Variants in DIAPH3 observed in about 807,000 individuals in gnomAD.
The protein encoded by DIAPH3 is diaphanous related formin 3.
DIAPH3 carries 117 observed loss-of-function variants against 144.3 expected under a neutral mutation model. That is an observed-to-expected ratio of 0.81 (90% CI 0.70 to 0.95). The LOEUF is 0.95. Ranked by LOEUF, DIAPH3 falls within the 40% of genes least tolerant of loss-of-function variation. The pLI is 0.00. For synonymous variants in DIAPH3, 519 were observed against 488.9 expected (o/e 1.06, Z -0.81); for missense variants, 1,421 against 1,412.7 (o/e 1.01, Z -0.09).
chr13:59,877,307 A>T (rs755816566), intron 21 of DIAPH3, among the ~76,000 whole-genome samples: 9 of 151,804 alleles, frequency 5.9e-5, no homozygotes, highest in Non-Finnish European at 1.2e-4. Context: ...CTTCTCTGCC[A>T]CCCCCATACC....
At chr13:60,156,426 C>A (rs1232805443) in intron 1 of DIAPH3, among the ~76,000 whole-genome samples, 2 of 151,982 alleles carry the variant, frequency 1.3e-5, no homozygotes, top group Non-Finnish European at 2.9e-5. Flanking sequence ...TCTTAAATAC[C>A]CTCTTCATAG....
At chr13:60,138,811 AGAGGGAAGAGGG>A (rs1459443304) in intron 1 of DIAPH3, among the ~76,000 whole-genome samples, 1 of 124,510 alleles carries the variant, frequency 8.0e-6, no homozygotes, top group African/African-American at 2.9e-5. Flanking sequence ...GGAAGAGGGA[AGAGGGAAGAGGG>A]GAGGGGAGGG....
At chr13:59,818,092 T>C (rs1048485823) in intron 24 of DIAPH3, among the ~76,000 whole-genome samples, 1 of 151,990 alleles carries the variant, frequency 6.6e-6, no homozygotes, top group African/African-American at 2.4e-5. Context: ...AAACAAAGTT[T>C]TACTGGTACA....
chr13:59,740,743 T>C (rs2139043384), intron 27 of DIAPH3, among the ~76,000 whole-genome samples: 1 of 152,314 alleles, frequency 6.6e-6, no homozygotes, highest in Non-Finnish European at 1.5e-5. Flanking sequence ...ATTTAACAAG[T>C]TAGAATCACT....
At chr13:60,148,413 A>G (rs988674459) in intron 1 of DIAPH3, among the ~76,000 whole-genome samples, 1 of 152,238 alleles carries the variant, frequency 6.6e-6, no homozygotes, top group Admixed American at 6.5e-5. Context: ...CTTTGGTAGC[A>G]GTAGCCACAT....
At chr13:59,810,041 CAT>C (rs1355715551) in intron 25 of DIAPH3, among the ~76,000 whole-genome samples, 5 of 151,996 alleles carry the variant, frequency 3.3e-5, no homozygotes, top group Admixed American at 2.6e-4. Flanking sequence ...TACATATATA[CAT>C]ATGTTTCTGT....
At chr13:60,105,125 A>AAAAAAAC (rs2058383698) in intron 3 of DIAPH3, among the ~76,000 whole-genome samples, 1 of 148,538 alleles carries the variant, frequency 6.7e-6, no homozygotes, top group Non-Finnish European at 1.5e-5. Context: ...AAAAAAAAAA[A>AAAAAAAC]CTGCCAGTGA....
At chr13:59,790,905 A>G (rs1157465238) in intron 25 of DIAPH3, among the ~76,000 whole-genome samples, 2 of 152,202 alleles carry the variant, frequency 1.3e-5, no homozygotes, top group Non-Finnish European at 2.9e-5. Context: ...GACAAAATGA[A>G]TACACGAGCC....
chr13:59,670,583 C>CTT (rs1229739034), intron 27 of DIAPH3, among the ~76,000 whole-genome samples: 17 of 134,670 alleles, frequency 1.3e-4, no homozygotes, highest in East Asian at 4.3e-4. Flanking sequence ...TGGAAGTTCA[C>CTT]TTTTTTTTTT....
intron 27 of DIAPH3, among the ~76,000 whole-genome samples, chr13:59,742,663 G>A (rs1252307494): frequency 6.6e-6 from 1 of 150,664 alleles, no homozygotes; most frequent in East Asian, 1.9e-4. Flanking sequence ...AAAAGGAAAG[G>A]AAAGGAAAGG....
At chr13:60,157,883 T>C (rs376603208) in intron 1 of DIAPH3, among the ~76,000 whole-genome samples, 46 of 152,186 alleles carry the variant, frequency 3.0e-4, no homozygotes, top group African/African-American at 9.4e-4. Context: ...ACATGTAGGG[T>C]TCAGAAATTT....
intron 4 of DIAPH3, among the ~76,000 whole-genome samples, chr13:60,069,188 G>A (rs1476160692): frequency 6.6e-6 from 1 of 152,180 alleles, no homozygotes; most frequent in East Asian, 1.9e-4. Flanking sequence ...CGACTGGTGT[G>A]AGATGGTATC....
intron 23 of DIAPH3, among the ~76,000 whole-genome samples, chr13:59,835,536 T>C (rs1316765788): frequency 6.6e-6 from 1 of 151,762 alleles, no homozygotes; most frequent in East Asian, 1.9e-4. Flanking sequence ...AAGATTATTA[T>C]AAATTTGGGG....
chr13:60,026,902 G>A (rs984542954), intron 5 of DIAPH3, among the ~76,000 whole-genome samples: 3 of 152,004 alleles, frequency 2.0e-5, no homozygotes, highest in African/African-American at 7.2e-5. Flanking sequence ...AATGCCTAGG[G>A]AAACACAAAT....
chr13:59,949,521 A>G lies in DIAPH3; in HGVS notation c.2074+20423T>C, dbSNP rs1039454200. Reference sequence around the variant, plus strand: ...CCTCAGTAATATAACCAGGGTCAGCAAACTATAGCCCCATGGGCCAAGACC... The same window carrying G: ...CCTCAGTAATATAACCAGGGTCAGCGAACTATAGCCCCATGGGCCAAGACC... On this transcript the variant is annotated intron_variant, in intron 17 of 27. Coordinates refer to ENST00000400324, the MANE Select transcript of DIAPH3 (RefSeq NM_001042517.2). Among the ~76,000 whole-genome samples, 7 of 152,304 alleles carry G rather than the reference A, an allele frequency of 4.6e-5. No individual in the cohort carries two copies. The South Asian group carries it at 1.2e-3, about 27-fold the overall frequency.
At chr13:59,681,459 A>T (rs2032942468) in intron 27 of DIAPH3, among the ~76,000 whole-genome samples, 1 of 152,236 alleles carries the variant, frequency 6.6e-6, no homozygotes, top group Admixed American at 6.5e-5. Context: ...TCTGGGCAAC[A>T]GAGTGAGAGC....
rs2047685934 is a variant in DIAPH3, at chr13:59,924,973, C to A, written c.2075-103G>T. 1.1e-5 allele frequency: 16 copies of A among 1,477,890 alleles called. No individual in the cohort carries two copies. In the South Asian group the frequency reaches 2.1e-4, roughly 19 times the overall value. The allele number at this position is 1,477,890 out of a possible 1,614,324, so 91.5% of individuals were successfully genotyped here. ...ATTAAATAAGCTAAAAAGGATGTAA[C>A]TCTTCTAAATAAAAGTTATAAAAAC... On this transcript the variant is annotated intron_variant, in intron 17 of 27. Transcript: ENST00000400324.
intron 5 of DIAPH3, among the ~76,000 whole-genome samples, chr13:60,038,550 T>C (rs1025036170): frequency 2.6e-5 from 4 of 152,152 alleles, no homozygotes; most frequent in African/African-American, 9.7e-5. Context: ...TCAAAGGCTG[T>C]TTACTTGTTT....
chr13:59,951,977 T>C (rs1161496375), intron 17 of DIAPH3, among the ~76,000 whole-genome samples: 1 of 152,164 alleles, frequency 6.6e-6, no homozygotes, highest in African/African-American at 2.4e-5. Context: ...ACAGCAACAC[T>C]ATCCACAATA....
Sources: gnomAD v4.1 joint callset for allele counts (sites outside exome capture counted in the v4.1 genomes callset) on GRCh38, gnomAD v4.1.1 for gene constraint, MANE v1.5 for transcripts, NCBI Gene and HGNC (gene_info 2026-07-23, HGNC 2026-07-21) for gene names.